DENND4C: variants seen among roughly 807,000 people sequenced by gnomAD.
The protein encoded by DENND4C is DENN domain-containing protein 4C.
Under a neutral mutation model 203.0 loss-of-function variants are expected in DENND4C, and 108 were observed. The observed-to-expected ratio is 0.53, with a 90% CI of 0.46 to 0.62. The LOEUF (loss-of-function observed/expected upper bound fraction) is 0.62. Among genes scored for constraint, DENND4C ranks in the 20% least tolerant of loss-of-function variants. The pLI is 0.00. For synonymous variants in DENND4C, 871 were observed against 792.4 expected (o/e 1.10, Z -1.67); for missense variants, 2,481 against 2,301.2 (o/e 1.08, Z -1.60).
At position 19,372,183 on chromosome 9, in the gene DENND4C, C is replaced by G; in HGVS notation, c.*10C>G. 1 of 1,602,752 alleles carries G rather than the reference C, an allele frequency of 6.2e-7. No individual in the cohort carries two copies. ...AGCGCCTCTCATTTAAATAGAGATT[C>G]ACTAGAATGTTGACACACAAGGCTT... On this transcript the variant is annotated 3_prime_UTR_variant, in exon 33 of 33. Transcript: ENST00000434457.
At chr9:19,357,924 T>A in intron 27 of DENND4C, 41 bp from the exon 28 acceptor site, 1 of 1,483,642 alleles carries the variant, frequency 6.7e-7, no homozygotes, top group Non-Finnish European at 9.1e-7. Context: ...TAGACTGTTT[T>A]TCAACATGAA....
At chr9:19,363,217 G>C (rs1826872837) in intron 30 of DENND4C, among the ~76,000 whole-genome samples, 1 of 152,114 alleles carries the variant, frequency 6.6e-6, no homozygotes, top group African/African-American at 2.4e-5. Flanking sequence ...AGCTGTATTA[G>C]GTTAGGGCCC....
At chr9:19,331,405 G>T (rs936590041) in intron 16 of DENND4C, among the ~76,000 whole-genome samples, 1 of 152,044 alleles carries the variant, frequency 6.6e-6, no homozygotes, top group Admixed American at 6.6e-5. Flanking sequence ...GTTTCACCAT[G>T]TTGGCCAGGC....
At chr9:19,362,700 A>G (rs1826767708) in intron 30 of DENND4C, among the ~76,000 whole-genome samples, 1 of 152,224 alleles carries the variant, frequency 6.6e-6, no homozygotes, top group African/African-American at 2.4e-5. Context: ...TAAATTCTAT[A>G]TAGCAGAAGA....
chr9:19,235,362 G>A (rs1191303109), intron 1 of DENND4C, among the ~76,000 whole-genome samples: 1 of 152,198 alleles, frequency 6.6e-6, no homozygotes, highest in East Asian at 1.9e-4. Context: ...CAAGGTGAAA[G>A]GCTGTAGATG....
intron 1 of DENND4C, among the ~76,000 whole-genome samples, chr9:19,273,925 A>G (rs1832302477): frequency 6.6e-6 from 1 of 152,068 alleles, no homozygotes; most frequent in South Asian, 2.1e-4. Context: ...AAGACAAATG[A>G]AAGCATTATG....
upstream of DENND4C, chr9:19,230,615 C>G (rs1820261152): frequency 6.6e-6 from 1 of 152,096 alleles, no homozygotes; most frequent in South Asian, 2.1e-4. Context: ...GGCACCCGCG[C>G]GGGCCAGCGC....
chr9:19,234,110 T>G (rs1470774230), intron 1 of DENND4C, among the ~76,000 whole-genome samples: 1 of 152,218 alleles, frequency 6.6e-6, no homozygotes, highest in Non-Finnish European at 1.5e-5. Flanking sequence ...CCTGTTGCTG[T>G]ATATTACTGT....
chr9:19,324,855 G>A (rs917593516), intron 13 of DENND4C, among the ~76,000 whole-genome samples: 5 of 152,136 alleles, frequency 3.3e-5, no homozygotes, highest in African/African-American at 9.7e-5. Context: ...GAGTAGCTGG[G>A]ACTACAGGCA....
intron 1 of DENND4C, among the ~76,000 whole-genome samples, chr9:19,238,999 G>A (rs1823008196): frequency 1.3e-5 from 2 of 151,878 alleles, no homozygotes; most frequent in African/African-American, 2.4e-5. Context: ...GACCTGTAAC[G>A]ATATGCCTTC....
intron 26 of DENND4C, among the ~76,000 whole-genome samples, chr9:19,356,124 G>T (rs868198715): frequency 2.6e-5 from 4 of 151,642 alleles, no homozygotes; most frequent in Non-Finnish European, 5.9e-5. Context: ...ATCTACCCCT[G>T]CGTCCTTCAA....
chr9:19,239,166 G>A (rs1266549891), intron 1 of DENND4C, among the ~76,000 whole-genome samples: 2 of 151,092 alleles, frequency 1.3e-5, no homozygotes, highest in East Asian at 3.9e-4. Flanking sequence ...TTTTTTCCCC[G>A]AGCGTCTTGA....
In DENND4C at chr9:19,332,107, C is replaced by T; in HGVS notation, c.2383C>T (p.Pro795Ser). The T allele has an allele frequency of 1.2e-6, 2 of 1,613,960 alleles. No homozygotes were observed. Among genetic ancestry groups the T allele is most frequent in the South Asian group, 2.2e-5 (2 of 91,076 alleles). The change falls in exon 17 of 33, where the codon CCT becomes TCT. Residue 795 changes from proline (P) to serine (S), a missense_variant. Transcript: ENST00000434457. ...TCCGGCCTATGTTAGAGTTTCTCAT[C>T]CTAAAGTCAGAGCACTTCAGCAGGC... ...CLPAYVRVSH[P>S]KVRALQQAYD...
In DENND4C at chr9:19,352,522, T is replaced by C; in HGVS notation, c.4638T>C (p.Ala1546=). 6.2e-7 allele frequency: 1 copy of C among 1,612,500 alleles called. No individual in the cohort carries two copies. The highest frequency in any genetic ancestry group is 8.5e-7 in the Non-Finnish European group (1 of 1,179,162). ...TGTCCAGTTGTTCACAGTGTAGAGC[T>C]TGTGGAGCTTTAGTTTATGATGAAG... The part of the protein sequence containing the change: ...VLMSSCSQCR[A]CGALVYDEEI... The change falls in exon 26 of 33, where the codon GCT becomes GCC. Residue 1546 remains alanine, a synonymous_variant. Transcript: ENST00000434457.
At position 19,374,274 on chromosome 9, in the gene DENND4C, C is replaced by G. The variant is rs1022701147; in HGVS notation, c.*2101C>G. 6.6e-6 allele frequency among the ~76,000 whole-genome samples: 1 copy of G among 152,034 alleles called. No homozygotes were observed. Among genetic ancestry groups the G allele is most frequent in the Admixed American group, 6.6e-5 (1 of 15,250 alleles). On this transcript the variant is annotated 3_prime_UTR_variant, in exon 33 of 33. Coordinates refer to ENST00000434457, the MANE Select transcript of DENND4C (RefSeq NM_001330640.2). Reference sequence around the variant, plus strand: ...AAAAAAAATCTGTAAAGATCTCTACCTTGAAAACTTTAGTCTGCTGCTGCC... The same window carrying G: ...AAAAAAAATCTGTAAAGATCTCTACGTTGAAAACTTTAGTCTGCTGCTGCC...
intron 27 of DENND4C, chr9:19,357,557 A>G (rs1825685153): frequency 9.5e-6 from 2 of 210,690 alleles, no homozygotes; most frequent in East Asian, 1.2e-4. Context: ...AGTAAATATG[A>G]CTGGGTCTCT....
chr9:19,246,949 A>G (rs1825425490), intron 1 of DENND4C, among the ~76,000 whole-genome samples: 1 of 152,106 alleles, frequency 6.6e-6, no homozygotes, highest in African/African-American at 2.4e-5. Flanking sequence ...CATTCTCAGT[A>G]TCTCTACCCT....
chr9:19,361,791 T>C lies in DENND4C; in HGVS notation c.5407-55T>C. On this transcript the variant is annotated intron_variant, in intron 29 of 32. Coordinates refer to ENST00000434457, the MANE Select transcript of DENND4C (RefSeq NM_001330640.2). ...TTTTATATAATCAAGCTTCACTAGA[T>C]CTACTGGTAATTGTTATTCTCGGGA... The C allele has an allele frequency of 2.8e-6, 3 of 1,055,148 alleles. No homozygotes were observed. The South Asian group carries it at 3.9e-5, about 14-fold the overall frequency. The allele number at this position is 1,055,148 out of a possible 1,614,324, so 65.4% of individuals were successfully genotyped here. A position where few individuals can be genotyped will look rare whatever the true frequency, so the allele number is the denominator to read the frequency against.
At chr9:19,285,435 C>T (rs781362074) in intron 2 of DENND4C, among the ~76,000 whole-genome samples, 6 of 152,066 alleles carry the variant, frequency 3.9e-5, no homozygotes, top group Non-Finnish European at 7.4e-5. Flanking sequence ...AAAAAGAAAC[C>T]CCATACCCAT....
Sources: allele counts gnomAD v4.1 joint callset (sites outside exome capture counted in the v4.1 genomes callset), GRCh38; gene constraint gnomAD v4.1.1; transcripts MANE v1.5; gene names NCBI Gene and HGNC (gene_info 2026-07-23, HGNC 2026-07-21).